Variants in AGBL4 observed in about 807,000 individuals in gnomAD.
The protein encoded by AGBL4 is AGBL carboxypeptidase 4.
A neutral mutation model predicts 66.4 loss-of-function variants in AGBL4; 58 were observed. The ratio of observed to expected loss-of-function variants is 0.87; its 90% CI spans 0.71 to 1.09. The LOEUF (loss-of-function observed/expected upper bound fraction) is 1.09. Among genes scored for constraint, AGBL4 ranks in the 50% least tolerant of loss-of-function variants. The probability of loss-of-function intolerance (pLI) is 0.00; values close to 1 mark genes in which losing one functional copy is unlikely to be tolerated. For synonymous variants in AGBL4, 234 were observed against 222.9 expected (o/e 1.05, Z -0.44); for missense variants, 579 against 631.0 (o/e 0.92, Z 0.88).
chr1:48,532,156 C>G (rs1425166564), downstream of AGBL4, among the ~76,000 whole-genome samples: 2 of 152,168 alleles, frequency 1.3e-5, no homozygotes, highest in Non-Finnish European at 2.9e-5. Flanking sequence ...TTGCAGATAC[C>G]TCACTTTCCT....
intron 3 of AGBL4, among the ~76,000 whole-genome samples, chr1:49,334,038 C>G (rs1377201809): frequency 6.6e-6 from 1 of 152,152 alleles, no homozygotes; most frequent in African/African-American, 2.4e-5. Flanking sequence ...TGTCTAGACA[C>G]TATCATCTGT....
At chr1:49,077,230 G>A (rs1370807532) in intron 4 of AGBL4, among the ~76,000 whole-genome samples, 1 of 151,940 alleles carries the variant, frequency 6.6e-6, no homozygotes, top group East Asian at 1.9e-4. Context: ...ATTAATTAAT[G>A]CAAGAAAATA....
chr1:48,602,543 G>C (rs1031356393), intron 9 of AGBL4, among the ~76,000 whole-genome samples: 1 of 152,134 alleles, frequency 6.6e-6, no homozygotes, highest in Non-Finnish European at 1.5e-5. Flanking sequence ...AGCCTGCTGC[G>C]AGACAGCAGT....
chr1:48,958,728 T>A (rs151131006), intron 5 of AGBL4, among the ~76,000 whole-genome samples: 13 of 152,336 alleles, frequency 8.5e-5, no homozygotes, highest in Non-Finnish European at 1.2e-4. Flanking sequence ...CTTAGACCAC[T>A]CCTCATATTT....
intron 6 of AGBL4, among the ~76,000 whole-genome samples, chr1:48,767,924 C>A (rs563123123): frequency 6.6e-6 from 1 of 152,154 alleles, no homozygotes; most frequent in Admixed American, 6.5e-5. Context: ...GAGTGAGCAC[C>A]TACTATGTGC....
intron 3 of AGBL4, among the ~76,000 whole-genome samples, chr1:49,371,216 GATAGATAGATAT>G (rs1226795848): frequency 1.4e-5 from 2 of 147,454 alleles, no homozygotes; most frequent in South Asian, 2.1e-4. Flanking sequence ...ATAGAAGATA[GATAGATAGATAT>G]ATAGATAGAT....
intron 3 of AGBL4, among the ~76,000 whole-genome samples, chr1:49,694,422 C>T (rs1203347885): frequency 6.6e-6 from 1 of 152,016 alleles, no homozygotes; most frequent in Non-Finnish European, 1.5e-5. Flanking sequence ...AATGTGATTA[C>T]AGTTGATGAG....
At chr1:48,763,894 C>T (rs1351201780) in intron 6 of AGBL4, among the ~76,000 whole-genome samples, 1 of 152,198 alleles carries the variant, frequency 6.6e-6, no homozygotes, top group South Asian at 2.1e-4. Flanking sequence ...GGTCCCCATC[C>T]TGGAGAGCTC....
At chr1:49,712,819 G>T (rs573685321) in intron 2 of AGBL4, among the ~76,000 whole-genome samples, 2 of 151,790 alleles carry the variant, frequency 1.3e-5, no homozygotes, top group African/African-American at 4.8e-5. Flanking sequence ...TATGTTTCTT[G>T]TTTCTTACTT....
At chr1:49,647,436 G>GA (rs1381495141) in intron 3 of AGBL4, among the ~76,000 whole-genome samples, 2 of 152,090 alleles carry the variant, frequency 1.3e-5, no homozygotes, top group African/African-American at 4.8e-5. Flanking sequence ...GCCAGTGCAG[G>GA]AAAACCTGAA....
intron 5 of AGBL4, among the ~76,000 whole-genome samples, chr1:48,899,240 C>T (rs1202808668): frequency 6.6e-6 from 1 of 152,202 alleles, no homozygotes; most frequent in Admixed American, 6.5e-5. Flanking sequence ...CCTGTGCGGG[C>T]GAGGGCCTAT....
intron 6 of AGBL4, among the ~76,000 whole-genome samples, chr1:48,795,287 T>C (rs1312377051): frequency 6.6e-6 from 1 of 152,128 alleles, no homozygotes; most frequent in Non-Finnish European, 1.5e-5. Flanking sequence ...TCCTATACAA[T>C]CTCTACCCCC....
chr1:48,850,508 C>G (rs1207431546), intron 6 of AGBL4, among the ~76,000 whole-genome samples: 1 of 151,946 alleles, frequency 6.6e-6, no homozygotes, highest in African/African-American at 2.4e-5. Flanking sequence ...GCTCATTTGT[C>G]CATTCATTTT....
At chr1:49,622,457 G>A (rs933441154) in intron 3 of AGBL4, among the ~76,000 whole-genome samples, 1 of 150,724 alleles carries the variant, frequency 6.6e-6, no homozygotes, top group East Asian at 2.0e-4. Context: ...GTGAAACCCC[G>A]TCTCTACTAA....
In AGBL4 at chr1:49,646,483, T is replaced by C. The variant is rs1029002608; in HGVS notation, c.282+50830A>G. On this transcript the variant is annotated intron_variant, in intron 3 of 13. Coordinates refer to ENST00000371839, the MANE Select transcript of AGBL4 (RefSeq NM_032785.4). ...ACTTAGAAATAAATCTGACAAAATA[T>C]GTATAAGACCTATAAATTTAAAACT... 2.3e-4 allele frequency among the ~76,000 whole-genome samples: 35 copies of C among 151,936 alleles called. 1 individual carries two copies. The highest frequency in any genetic ancestry group is 7.4e-5 in the Non-Finnish European group (5 of 67,828).
At chr1:48,653,571 G>C (rs188221218) in intron 7 of AGBL4, 120 bp from the exon 8 acceptor site, 7 of 678,726 alleles carry the variant, frequency 1.0e-5, no homozygotes, top group African/African-American at 7.2e-5. Flanking sequence ...GTTGTTATTG[G>C]CCACTGTGGG....
At chr1:48,733,434 T>G (rs1319852339) in intron 6 of AGBL4, among the ~76,000 whole-genome samples, 3 of 152,208 alleles carry the variant, frequency 2.0e-5, no homozygotes, top group African/African-American at 7.2e-5. Context: ...TTCCTTTATT[T>G]TCCTCTGTGA....
rs916500022 is a variant in AGBL4 at position 49,947,325 on chromosome 1, A to G, written c.34+76438T>C. 2.6e-5 allele frequency among the ~76,000 whole-genome samples: 4 copies of G among 152,202 alleles called. No individual in the cohort carries two copies. The East Asian group carries it at 5.8e-4, about 22-fold the overall frequency. ...ATACTACCTAACCCAATCTAACAAC[A>G]TATTGAAAAGTTAATCCACCATGAT... On this transcript the variant is annotated intron_variant, in intron 1 of 13. Transcript: ENST00000371839.
chr1:49,004,362 T>C (rs1258958029), intron 5 of AGBL4, among the ~76,000 whole-genome samples: 2 of 152,212 alleles, frequency 1.3e-5, no homozygotes, highest in Non-Finnish European at 2.9e-5. Context: ...ACAGGTATGA[T>C]AGGCATATTA....
Sources: gnomAD v4.1 joint callset for allele counts (sites outside exome capture counted in the v4.1 genomes callset) on GRCh38, gnomAD v4.1.1 for gene constraint, MANE v1.5 for transcripts, NCBI Gene and HGNC (gene_info 2026-07-23, HGNC 2026-07-21) for gene names.